MYO5B: variants seen among roughly 807,000 people sequenced by gnomAD.
MYO5B encodes myosin VB.
A neutral mutation model predicts 229.3 loss-of-function variants in MYO5B; 143 were observed. The ratio of observed to expected loss-of-function variants is 0.62; its 90% confidence interval spans 0.54 to 0.72. The LOEUF (loss-of-function observed/expected upper bound fraction) is 0.72, where lower values mean the gene tolerates loss of function less well. Ranked by LOEUF, MYO5B falls within the 30% of genes least tolerant of loss-of-function variation. The pLI is 0.00. For missense variants in MYO5B, 2,321 were observed against 2,331.0 expected (o/e 1.00, Z 0.09); for synonymous variants, 918 against 885.2 (o/e 1.04, Z -0.66).
chr18:50,009,776 C>A (rs1267536310), intron 4 of MYO5B, among the ~76,000 whole-genome samples: 1 of 152,146 alleles, frequency 6.6e-6, no homozygotes, highest in Non-Finnish European at 1.5e-5. Flanking sequence ...AGGGGCTGGG[C>A]CGGAATGTTC....
intron 4 of MYO5B, among the ~76,000 whole-genome samples, chr18:50,019,721 G>C (rs2026254302): frequency 6.6e-6 from 1 of 152,220 alleles, no homozygotes; most frequent in Admixed American, 6.5e-5. Flanking sequence ...AAGACTGGGA[G>C]TCTCGTACCT....
chr18:49,938,915 C>CT (rs2025280963), intron 14 of MYO5B, among the ~76,000 whole-genome samples: 1 of 151,714 alleles, frequency 6.6e-6, no homozygotes, highest in Admixed American at 6.6e-5. Flanking sequence ...CTGTGTCTCC[C>CT]ACAGGCTCTG....
chr18:49,843,521 A>G (rs2024088203), intron 33 of MYO5B, 129 bp from the exon 34 acceptor site: 1 of 1,238,618 alleles, frequency 8.1e-7, no homozygotes. Context: ...GATGTCTCAA[A>G]GAGGATTGGG....
chr18:50,079,726 G>GTAGCAGAGGAATCAGAGGAGCTGTACAGA (rs1568098490), intron 1 of MYO5B, among the ~76,000 whole-genome samples: 192 of 152,324 alleles, frequency 1.3e-3, no homozygotes, highest in African/African-American at 4.4e-3. Context: ...TGGGATGGGC[G>GTAGCAGAGGAATCAGAGGAGCTGTACAGA]GGAGCCTCTG....
chr18:49,834,929 C>T (rs879366286), intron 39 of MYO5B, among the ~76,000 whole-genome samples: 21 of 152,214 alleles, frequency 1.4e-4, no homozygotes, highest in African/African-American at 4.8e-4. Flanking sequence ...TGAGCCACCG[C>T]ACCTGGCCTA....
At chr18:49,970,644 A>C (rs997359446) in intron 10 of MYO5B, among the ~76,000 whole-genome samples, 15 of 152,154 alleles carry the variant, frequency 9.9e-5, no homozygotes, top group African/African-American at 3.4e-4. Flanking sequence ...TATAGGAAAA[A>C]GTGGAGTGGC....
chr18:49,878,827 A>T (rs2024554677), intron 24 of MYO5B, 118 bp downstream of exon 24: 1 of 1,237,400 alleles, frequency 8.1e-7, no homozygotes. Flanking sequence ...CAAGTGCTGC[A>T]CATATGACAC....
At chr18:50,115,109 C>T (rs1313966677) in intron 1 of MYO5B, among the ~76,000 whole-genome samples, 4 of 152,256 alleles carry the variant, frequency 2.6e-5, no homozygotes, top group Non-Finnish European at 4.4e-5. Flanking sequence ...CCTGTCCCCA[C>T]ACTGTGCCTT....
Position 49,902,646 on chromosome 18 carries a change from T to A in MYO5B, c.2759A>T (p.Asn920Ile), listed in dbSNP as rs751394892. The stretch of plus-strand genomic sequence containing the variant: ...GACCACCTTGTTCTCCATGCCCACG[T>A]TGAGACGTTTCAGATGCTCTGCTGA... ...ARSAEHLKRL[N>I]VGMENKVVQL... Residue 920 changes from asparagine (N) to isoleucine (I), a missense_variant, in exon 21 of 40, where the codon AAC becomes ATC. Asn to Ile is a moderately radical substitution (Grantham distance 149, BLOSUM62 -3). This residue lies in a region of MYO5B where 2,113 missense variants were observed against 2,044.7 expected (regional missense o/e 1.03). Coordinates refer to ENST00000285039, the MANE Select transcript of MYO5B (RefSeq NM_001080467.3). 6.2e-7 allele frequency: 1 copy of A among 1,613,324 alleles called. No homozygotes were observed. Among genetic ancestry groups the A allele is most frequent in the South Asian group, 1.1e-5 (1 of 91,082 alleles).
intron 1 of MYO5B, among the ~76,000 whole-genome samples, chr18:50,072,202 A>G (rs17801986): frequency 0.14 from 21,051 of 152,136 alleles, 1,593 homozygotes; most frequent in East Asian, 0.23. Context: ...ATTAGAGTAT[A>G]TATGCAACTT....
intron 1 of MYO5B, among the ~76,000 whole-genome samples, chr18:50,105,195 G>C (rs1286942021): frequency 1.4e-5 from 2 of 138,242 alleles, no homozygotes; most frequent in Non-Finnish European, 3.1e-5. Flanking sequence ...AAGAGGTCAA[G>C]GCATGGTAAA....
rs576338254 is a variant in MYO5B, at chr18:50,036,777, C to G, written c.455+73G>C. On this transcript the variant is annotated intron_variant, in intron 4 of 39. Coordinates refer to ENST00000285039, the MANE Select transcript of MYO5B (RefSeq NM_001080467.3). ...ACCACCTCACTGTGAGCATCAGTTG[C>G]AGAGGAAGGTAAAAACTCCCCTTCC... 3.1e-4 allele frequency: 482 copies of G among 1,552,404 alleles called. 1 individual carries two copies. The highest frequency in any genetic ancestry group is 2.6e-3 in the Middle Eastern group (12 of 4,534).
chr18:50,143,960 G>A (rs77662842), intron 1 of MYO5B, among the ~76,000 whole-genome samples: 1,711 of 152,232 alleles, frequency 0.011, 24 homozygotes, highest in Non-Finnish European at 0.014. Context: ...TCATCTAGCC[G>A]GACAGAATGT....
intron 1 of MYO5B, among the ~76,000 whole-genome samples, chr18:50,068,808 A>C (rs1028796124): frequency 2.0e-5 from 3 of 152,188 alleles, no homozygotes; most frequent in Non-Finnish European, 4.4e-5. Context: ...TGGTTTTCCC[A>C]ATCAGTAGGT....
chr18:50,162,995 T>C (rs1335040516), intron 1 of MYO5B, among the ~76,000 whole-genome samples: 2 of 152,172 alleles, frequency 1.3e-5, no homozygotes, highest in Non-Finnish European at 2.9e-5. Flanking sequence ...GAGGCAGTCA[T>C]GTTTTACATT....
intron 1 of MYO5B, among the ~76,000 whole-genome samples, chr18:50,155,364 C>G (rs2032662859): frequency 6.6e-6 from 1 of 151,942 alleles, no homozygotes; most frequent in Admixed American, 6.6e-5. Flanking sequence ...AAAATATGAC[C>G]CATATTAGAA....
chr18:50,133,835 C>T (rs998864045), intron 1 of MYO5B, among the ~76,000 whole-genome samples: 7 of 152,038 alleles, frequency 4.6e-5, no homozygotes, highest in Non-Finnish European at 1.0e-4. Context: ...AGTTTGAGAA[C>T]CATATGGCCA....
chr18:49,904,325 G>A (rs1328844971), intron 20 of MYO5B, among the ~76,000 whole-genome samples: 5 of 152,110 alleles, frequency 3.3e-5, no homozygotes, highest in Admixed American at 1.3e-4. Context: ...TGCACACACC[G>A]GCTTCCACCT....
intron 10 of MYO5B, among the ~76,000 whole-genome samples, chr18:49,966,535 C>T (rs1300198967): frequency 6.6e-6 from 1 of 152,152 alleles, no homozygotes; most frequent in Non-Finnish European, 1.5e-5. Context: ...GGCAGCCAAG[C>T]CCCAGAGGAA....
Sources: allele counts gnomAD v4.1 joint callset (sites outside exome capture counted in the v4.1 genomes callset), GRCh38; gene constraint gnomAD v4.1.1; regional missense constraint gnomAD v4.1.1; transcripts MANE v1.5; gene names NCBI Gene and HGNC (gene_info 2026-07-23, HGNC 2026-07-21).